Variants in PTPRD observed in about 807,000 individuals in gnomAD.
The protein encoded by PTPRD is receptor-type tyrosine-protein phosphatase delta.
Under a neutral mutation model 214.5 loss-of-function variants are expected in PTPRD, and 34 were observed. The observed-to-expected ratio is 0.16, with a 90% CI of 0.12 to 0.21. PTPRD has a LOEUF of 0.21. PTPRD is among the 10% of genes least tolerant of loss of function. The pLI is 1.00. For missense variants in PTPRD, 2,545 were observed against 2,398.7 expected, an observed-to-expected ratio of 1.06 and a Z score of -1.27; for synonymous variants, 1,128 against 845.7, an observed-to-expected ratio of 1.33 and a Z score of -5.79.
intron 4 of PTPRD, among the ~76,000 whole-genome samples, chr9:9,992,391 G>A (rs1245096458): frequency 6.6e-6 from 1 of 152,172 alleles, no homozygotes; most frequent in Admixed American, 6.5e-5. Flanking sequence ...AGCCAGTGTG[G>A]CGATTCCTCA....
At chr9:10,374,174 A>C (rs1213741544) in intron 2 of PTPRD, among the ~76,000 whole-genome samples, 1 of 152,068 alleles carries the variant, frequency 6.6e-6, no homozygotes, top group Non-Finnish European at 1.5e-5. Context: ...GTTATTAAAA[A>C]ATTTCCCTTT....
intron 9 of PTPRD, among the ~76,000 whole-genome samples, chr9:9,246,488 T>C (rs1484900961): frequency 1.3e-5 from 2 of 152,104 alleles, no homozygotes; most frequent in Admixed American, 6.6e-5. Flanking sequence ...AGTTTGCTCC[T>C]TCCTGCCTCC....
intron 7 of PTPRD, among the ~76,000 whole-genome samples, chr9:9,648,139 C>A (rs185692056): frequency 2.4e-3 from 364 of 152,022 alleles, no homozygotes; most frequent in African/African-American, 8.3e-3. Context: ...TATTTTAATG[C>A]ATATTACAAA....
intron 9 of PTPRD, among the ~76,000 whole-genome samples, chr9:9,192,748 A>G (rs1188121810): frequency 6.6e-6 from 1 of 152,122 alleles, no homozygotes; most frequent in Non-Finnish European, 1.5e-5. Flanking sequence ...GGCTAGATAC[A>G]GATTTGGGAA....
chr9:9,527,554 C>G (rs908926931), intron 8 of PTPRD, among the ~76,000 whole-genome samples: 3 of 152,128 alleles, frequency 2.0e-5, no homozygotes, highest in Non-Finnish European at 2.9e-5. Context: ...ATTTTCTAAT[C>G]AATTATCAGG....
chr9:8,723,290 T>A (rs2098521930), intron 12 of PTPRD, among the ~76,000 whole-genome samples: 1 of 152,158 alleles, frequency 6.6e-6, no homozygotes, highest in Non-Finnish European at 1.5e-5. Context: ...GCTCAAGTGT[T>A]GTATCTCACT....
At chr9:8,892,531 GTA>G (rs1370048757) in intron 11 of PTPRD, among the ~76,000 whole-genome samples, 1 of 149,260 alleles carries the variant, frequency 6.7e-6, no homozygotes, top group Admixed American at 6.7e-5. Context: ...ATATGTGTGT[GTA>G]TATATATGTG....
intron 5 of PTPRD, among the ~76,000 whole-genome samples, chr9:9,845,058 CAATATATA>C (rs1565711372): frequency 2.1e-5 from 1 of 46,680 alleles, no homozygotes; most frequent in Non-Finnish European, 6.2e-5. Context: ...ATATATAGAG[CAATATATA>C]TATATATATT....
At chr9:8,797,699 C>G (rs4428715) in intron 11 of PTPRD, among the ~76,000 whole-genome samples, 6 of 152,270 alleles carry the variant, frequency 3.9e-5, no homozygotes, top group East Asian at 1.9e-4. Context: ...GGAGCAAAAG[C>G]TGAACCATTT....
At chr9:8,757,232 A>T (rs530650047) in intron 11 of PTPRD, among the ~76,000 whole-genome samples, 1 of 152,306 alleles carries the variant, frequency 6.6e-6, no homozygotes, top group African/African-American at 2.4e-5. Context: ...AAAAAAGGTC[A>T]AACAAGGACA....
intron 3 of PTPRD, among the ~76,000 whole-genome samples, chr9:10,194,269 C>A (rs2099386971): frequency 6.8e-6 from 1 of 146,346 alleles, no homozygotes; most frequent in South Asian, 2.1e-4. Flanking sequence ...ATACATTAAT[C>A]CACAGGAAGC....
At chr9:8,964,892 T>C (rs1304388854) in intron 11 of PTPRD, among the ~76,000 whole-genome samples, 1 of 152,168 alleles carries the variant, frequency 6.6e-6, no homozygotes, top group Non-Finnish European at 1.5e-5. Context: ...TATTTTTATT[T>C]CACTGTTGTC....
chr9:8,578,828 A>C (rs2092748536), intron 14 of PTPRD, among the ~76,000 whole-genome samples: 1 of 152,224 alleles, frequency 6.6e-6, no homozygotes, highest in African/African-American at 2.4e-5. Context: ...CATTTTGATT[A>C]AAAAGTACAG....
At chr9:8,535,721 T>C (rs1015938766) in intron 14 of PTPRD, among the ~76,000 whole-genome samples, 2 of 151,926 alleles carry the variant, frequency 1.3e-5, no homozygotes, top group Non-Finnish European at 2.9e-5. Context: ...GTCAGAGTTT[T>C]GTTTTTTCAT....
At chr9:10,338,102 CT>C (rs2096875162) in intron 3 of PTPRD, among the ~76,000 whole-genome samples, 1 of 151,556 alleles carries the variant, frequency 6.6e-6, no homozygotes, top group Admixed American at 6.6e-5. Flanking sequence ...CAAAGACCAA[CT>C]GAAAATGCAT....
chr9:10,117,539 G>A (rs1057442598), intron 3 of PTPRD, among the ~76,000 whole-genome samples: 6 of 151,746 alleles, frequency 4.0e-5, no homozygotes, highest in African/African-American at 1.5e-4. Flanking sequence ...TTTTTGGTTA[G>A]TTGCAGCAGT....
chr9:9,906,373 T>C (rs960733490), intron 5 of PTPRD, among the ~76,000 whole-genome samples: 2 of 151,970 alleles, frequency 1.3e-5, no homozygotes, highest in East Asian at 1.9e-4. Flanking sequence ...TTGTTATCGT[T>C]GTCTTTATTT....
At chr9:9,154,857 T>C (rs1312607773) in intron 10 of PTPRD, among the ~76,000 whole-genome samples, 1 of 152,208 alleles carries the variant, frequency 6.6e-6, no homozygotes, top group African/African-American at 2.4e-5. Context: ...TGTAAAGATT[T>C]TTAACCAGTA....
intron 12 of PTPRD, among the ~76,000 whole-genome samples, chr9:8,696,839 G>A (rs1439758360): frequency 6.6e-6 from 1 of 152,162 alleles, no homozygotes; most frequent in Non-Finnish European, 1.5e-5. Flanking sequence ...TCTGAGAACT[G>A]TAAAAACCGT....
Sources: allele counts gnomAD v4.1 joint callset (sites outside exome capture counted in the v4.1 genomes callset), GRCh38; gene constraint gnomAD v4.1.1; transcripts MANE v1.5; gene names NCBI Gene and HGNC (gene_info 2026-07-23, HGNC 2026-07-21).